The following HSD17B11 variants were observed in gnomAD, a reference collection of about 807,000 sequenced individuals.
The protein encoded by HSD17B11 is hydroxysteroid 17-beta dehydrogenase 11, also known as estradiol 17-beta-dehydrogenase 11.
Under a neutral mutation model 27.8 loss-of-function variants are expected in HSD17B11, and 22 were observed. The ratio of observed to expected loss-of-function variants is 0.79; its 90% CI spans 0.56 to 1.13. HSD17B11 has a LOEUF of 1.13. HSD17B11 is among the 50% of genes most tolerant of loss of function. The pLI is 0.00. For synonymous variants in HSD17B11, 117 were observed against 132.8 expected (o/e 0.88, Z 0.82); for missense variants, 314 against 351.1 (o/e 0.89, Z 0.84).
At chr4:87,347,103 A>ATTTTT (rs763068482) in intron 5 of HSD17B11, among the ~76,000 whole-genome samples, 2,827 of 62,320 alleles carry the variant, frequency 0.045, 171 homozygotes, top group Non-Finnish European at 0.054. Context: ...AGTATTCTGG[A>ATTTTT]TTTTTTTTTT....
chr4:87,357,552 G>T (rs560528795), intron 4 of HSD17B11, 136 bp from the exon 5 acceptor site: 1 of 689,578 alleles, frequency 1.5e-6, no homozygotes, highest in African/African-American at 1.9e-5. Context: ...TACTGCATCA[G>T]AGCCCACATC....
intron 5 of HSD17B11, among the ~76,000 whole-genome samples, chr4:87,354,655 AAAAAT>A (rs1425083229): frequency 6.6e-6 from 1 of 151,728 alleles, no homozygotes; most frequent in Non-Finnish European, 1.5e-5. Context: ...AAAAAATAAA[AAAAAT>A]AAAAAAAGGA....
chr4:87,379,672 A>G lies in HSD17B11; in HGVS notation c.318+2583T>C, dbSNP rs1720076654. Among the ~76,000 whole-genome samples the G allele has an allele frequency of 2.1e-5, 3 of 143,540 alleles. No individual in the cohort carries two copies. The South Asian group carries it at 6.3e-4, about 30-fold the overall frequency. 94.2% of individuals were successfully genotyped at this position (143,540 alleles called of 152,430 possible). ...ATATGTATGTATATTATATATTAAT[A>G]GTATAATATAGTATTAGTATACTAT... On this transcript the variant is annotated intron_variant, in intron 2 of 6. Transcript: ENST00000358290.
intron 4 of HSD17B11, among the ~76,000 whole-genome samples, chr4:87,361,983 G>C (rs992826999): frequency 2.6e-5 from 4 of 152,164 alleles, no homozygotes. Flanking sequence ...GCAGACCATA[G>C]AGTTACAATA....
chr4:87,339,214 T>C (rs1307966256), intron 6 of HSD17B11, among the ~76,000 whole-genome samples: 2 of 152,206 alleles, frequency 1.3e-5, no homozygotes, highest in Admixed American at 1.3e-4. Context: ...ACAAGTACAA[T>C]GCCAGAAACA....
rs1485999355 is a variant in HSD17B11 at position 87,370,952 on chromosome 4, C to T, written c.557+1757G>A. Among the ~76,000 whole-genome samples, 7 of 125,608 alleles carry T rather than the reference C, an allele frequency of 5.6e-5. No individual in the cohort carries two copies. In the Admixed American group the frequency reaches 5.7e-4, roughly 10 times the overall value. 82.4% of individuals were successfully genotyped at this position (125,608 alleles called of 152,430 possible). A position where few individuals can be genotyped will look rare whatever the true frequency, so the allele number is the denominator to read the frequency against. ...TATTTTTAGTAGAGACGGGGTTTCA[C>T]CGTGTTAGCCAGGATGGTCTCGATC... On this transcript the variant is annotated intron_variant, in intron 4 of 6. Transcript: ENST00000358290.
At chr4:87,337,877 TC>T (rs1356527318) in intron 6 of HSD17B11, among the ~76,000 whole-genome samples, 1 of 152,208 alleles carries the variant, frequency 6.6e-6, no homozygotes, top group Non-Finnish European at 1.5e-5. Flanking sequence ...AAAATTAACA[TC>T]TATCCCTCAG....
At chr4:87,386,487 G>A (rs1720322653) in intron 1 of HSD17B11, among the ~76,000 whole-genome samples, 1 of 152,112 alleles carries the variant, frequency 6.6e-6, no homozygotes, top group Admixed American at 6.5e-5. Context: ...ACAGGGGTGA[G>A]CCACTGCACC....
rs573593983 is a variant in HSD17B11, at chr4:87,387,601, C to T, written c.210+3260G>A. 3.9e-4 allele frequency among the ~76,000 whole-genome samples: 60 copies of T among 152,206 alleles called. 1 individual carries two copies. In the South Asian group the frequency reaches 0.011, roughly 29 times the overall value. On this transcript the variant is annotated intron_variant, in intron 1 of 6. Coordinates refer to ENST00000358290, the MANE Select transcript of HSD17B11 (RefSeq NM_016245.5). ...CTTCTATAATTTCAAATCTATAAAA[C>T]GGCAAGAAAAATAGAGTGGGATGTG...
rs186467520 is a variant in HSD17B11 at position 87,388,184 on chromosome 4, T to C, written c.210+2677A>G. Reference sequence around the variant, plus strand: ...GTCACACCAAAAAAAAAAAAAACAATCTAGTGGCATATTTTATTTAACCCA... The same window carrying C: ...GTCACACCAAAAAAAAAAAAAACAACCTAGTGGCATATTTTATTTAACCCA... On this transcript the variant is annotated intron_variant, in intron 1 of 6. Transcript: ENST00000358290. Among the ~76,000 whole-genome samples the C allele has an allele frequency of 1.0e-3, 134 of 134,218 alleles. 1 individual carries two copies. Among genetic ancestry groups the C allele is most frequent in the Middle Eastern group, 7.5e-3 (2 of 266 alleles). The allele number at this position is 134,218 out of a possible 152,430, so 88.1% of individuals were successfully genotyped here.
intron 3 of HSD17B11, among the ~76,000 whole-genome samples, chr4:87,374,017 T>TCC (rs1268236554): frequency 6.6e-6 from 1 of 152,116 alleles, no homozygotes; most frequent in Non-Finnish European, 1.5e-5. Flanking sequence ...GGAAATAACA[T>TCC]GAGGCCTGAG....
intron 2 of HSD17B11, among the ~76,000 whole-genome samples, chr4:87,381,751 C>A (rs1720175216): frequency 9.8e-6 from 1 of 102,108 alleles, no homozygotes; most frequent in Non-Finnish European, 1.9e-5. Flanking sequence ...AGAGTGAGAC[C>A]CCCCATCTCA....
chr4:87,358,231 C>G (rs1412289484), intron 4 of HSD17B11, among the ~76,000 whole-genome samples: 3 of 151,944 alleles, frequency 2.0e-5, no homozygotes, highest in African/African-American at 2.4e-5. Flanking sequence ...AAAGTGCTGG[C>G]ATTACAGGCG....
chr4:87,355,413 C>T (rs1440829147), intron 5 of HSD17B11, among the ~76,000 whole-genome samples: 1 of 151,662 alleles, frequency 6.6e-6, no homozygotes, highest in African/African-American at 2.4e-5. Flanking sequence ...ATGAGAAAGA[C>T]CTTTCTAAAC....
At chr4:87,382,867 A>C (rs912474359) in intron 1 of HSD17B11, among the ~76,000 whole-genome samples, 13 of 152,238 alleles carry the variant, frequency 8.5e-5, no homozygotes, top group Non-Finnish European at 1.5e-4. Flanking sequence ...AATGAGGTAG[A>C]GTCCCGACCC....
In HSD17B11 at chr4:87,370,812, G is replaced by C. The variant is rs529866545; in HGVS notation, c.557+1897C>G. 5.6e-3 allele frequency among the ~76,000 whole-genome samples: 583 copies of C among 104,190 alleles called. 65 individuals are homozygous for C. Among genetic ancestry groups the C allele is most frequent in the Admixed American group, 0.019 (194 of 10,176 alleles). The allele number at this position is 104,190 out of a possible 152,430, so 68.4% of individuals were successfully genotyped here. On this transcript the variant is annotated intron_variant, in intron 4 of 6. Transcript: ENST00000358290. ...CTGTCGCCCAGGCTGGAGTGTAGTG[G>C]CGCGATCTCGGCTCACTGCAAGCTC...
chr4:87,366,057 T>A (rs972842366), intron 4 of HSD17B11: 2 of 152,242 alleles, frequency 1.3e-5, no homozygotes, highest in East Asian at 1.9e-4. Context: ...GGTTTCTCCA[T>A]GTTGATCAGG....
At chr4:87,383,056 A>G (rs555869197) in intron 1 of HSD17B11, among the ~76,000 whole-genome samples, 1 of 152,300 alleles carries the variant, frequency 6.6e-6, no homozygotes, top group African/African-American at 2.4e-5. Context: ...AGGGGCACAC[A>G]ATACAATTCC....
chr4:87,378,938 A>ATT (rs1411033634), intron 2 of HSD17B11, among the ~76,000 whole-genome samples: 1 of 21,578 alleles, frequency 4.6e-5, no homozygotes, highest in African/African-American at 2.9e-4. Flanking sequence ...AAATATATAT[A>ATT]TATATATATT....
Sources: gnomAD v4.1 joint callset for allele counts (sites outside exome capture counted in the v4.1 genomes callset) on GRCh38, gnomAD v4.1.1 for gene constraint, MANE v1.5 for transcripts, NCBI Gene and HGNC (gene_info 2026-07-23, HGNC 2026-07-21) for gene names.